The following CASQ2 variants were observed in gnomAD, a reference collection of about 807,000 sequenced individuals.
CASQ2 encodes calsequestrin 2.
Under a neutral mutation model 46.5 loss-of-function variants are expected in CASQ2, and 49 were observed. That is an observed-to-expected ratio of 1.05 (90% CI 0.84 to 1.34). CASQ2 has a LOEUF of 1.34. Among genes scored for constraint, CASQ2 ranks in the 40% most tolerant of loss-of-function variants. The pLI is 0.00. For synonymous variants in CASQ2, 174 were observed against 168.5 expected (o/e 1.03, Z -0.25); for missense variants, 486 against 481.3 (o/e 1.01, Z -0.09).
chr1:115,710,705 C>A (rs1336981438), intron 8 of CASQ2, among the ~76,000 whole-genome samples: 2 of 152,126 alleles, frequency 1.3e-5, no homozygotes, highest in Non-Finnish European at 2.9e-5. Context: ...TCAGGGATGG[C>A]TCTGAGTGGG....
At position 115,725,508 on chromosome 1, in the gene CASQ2, C is replaced by T. The variant is rs776874142; in HGVS notation, c.783G>A (p.Trp261Ter). 5 of 1,609,792 alleles carry T rather than the reference C, an allele frequency of 3.1e-6. No homozygotes were observed. The highest frequency in any genetic ancestry group is 1.4e-5 in the African/African-American group (1 of 73,616). Residue 261 changes from tryptophan (W) to a stop codon, truncating the protein, a stop_gained and splice_region_variant, in exon 7 of 11, where the codon TGG (tryptophan) becomes TGA (stop). Coordinates refer to ENST00000261448, the MANE Select transcript of CASQ2 (RefSeq NM_001232.4). LOFTEE classifies it high-confidence loss of function. ...RLRPEEMFET[W>*]EDDLNGIHIV... is the part of the protein sequence containing the mutation. ...CAAAGAGAGTTTGCCTCTTTCTTACCCATGTTTCAAACATTTCTTCTGGGC... is the reference window on the plus strand; with the variant it reads ...CAAAGAGAGTTTGCCTCTTTCTTACTCATGTTTCAAACATTTCTTCTGGGC...
rs574539184 is a variant in CASQ2 at position 115,700,815 on chromosome 1, G to A, written c.*426C>T. 1 of 513,738 alleles carries A rather than the reference G, an allele frequency of 1.9e-6. No homozygotes were observed. Among genetic ancestry groups the A allele is most frequent in the South Asian group, 3.9e-5 (1 of 25,610 alleles). 31.8% of individuals were successfully genotyped at this position (513,738 alleles called of 1,614,324 possible). ...TGGAGGGAGCTAAATCATTAATCAT[G>A]TGTCTTCCCTGGGCTCTGATTAAAA... On this transcript the variant is annotated 3_prime_UTR_variant, in exon 11 of 11. Coordinates refer to ENST00000261448, the MANE Select transcript of CASQ2 (RefSeq NM_001232.4).
intron 1 of CASQ2, among the ~76,000 whole-genome samples, chr1:115,749,528 C>T (rs916008081): frequency 1.3e-5 from 2 of 152,188 alleles, no homozygotes; most frequent in African/African-American, 4.8e-5. Flanking sequence ...ACTTTCCCAC[C>T]TCCTCTTTGG....
chr1:115,763,959 G>A (rs9428226), intron 1 of CASQ2, among the ~76,000 whole-genome samples: 79,115 of 151,866 alleles, frequency 0.52, 21,557 homozygotes, highest in South Asian at 0.61. Context: ...TAATGCTAAT[G>A]GAAGTTGGCC....
chr1:115,743,197 G>GTTTGTTTA lies in CASQ2; in HGVS notation c.319+1630_319+1631insTAAACAAA, dbSNP rs1423545414. 8.5e-4 allele frequency among the ~76,000 whole-genome samples: 31 copies of GTTTGTTTA among 36,456 alleles called. No homozygotes were observed. In the South Asian group the frequency reaches 0.013, roughly 16 times the overall value. The allele number at this position is 36,456 out of a possible 152,430, so 23.9% of individuals were successfully genotyped here. On this transcript the variant is annotated intron_variant, in intron 2 of 10. Transcript: ENST00000261448. Reference sequence around the variant, plus strand: ...GACATCCCAAGCATTCTTTATTTTTGTTTATTTATTTATTTATTTATTTAT... The same window carrying GTTTGTTTA: ...GACATCCCAAGCATTCTTTATTTTTGTTTGTTTATTTATTTATTTATTTATTTATTTAT...
intron 9 of CASQ2, among the ~76,000 whole-genome samples, chr1:115,704,598 A>C (rs1557784754): frequency 1.3e-5 from 2 of 152,192 alleles, no homozygotes; most frequent in Admixed American, 1.3e-4. Flanking sequence ...GTAGTGTACA[A>C]ATGCTGTTTA....
At chr1:115,704,875 T>C (rs1325176270) in intron 9 of CASQ2, among the ~76,000 whole-genome samples, 1 of 152,184 alleles carries the variant, frequency 6.6e-6, no homozygotes, top group Admixed American at 6.5e-5. Context: ...ATAAAAGTAG[T>C]TCTGGGGACT....
intron 7 of CASQ2, among the ~76,000 whole-genome samples, chr1:115,724,468 AATT>A (rs1647500071): frequency 6.6e-6 from 1 of 152,212 alleles, no homozygotes. Flanking sequence ...ATGCCCGACT[AATT>A]AATAATACTT....
intron 1 of CASQ2, among the ~76,000 whole-genome samples, chr1:115,758,864 G>A (rs574301288): frequency 6.6e-6 from 1 of 152,308 alleles, no homozygotes; most frequent in Non-Finnish European, 1.5e-5. Flanking sequence ...AGAATTGTGA[G>A]CCAAATAAAC....
intron 1 of CASQ2, among the ~76,000 whole-genome samples, chr1:115,753,447 T>A (rs563889460): frequency 6.6e-6 from 1 of 152,294 alleles, no homozygotes; most frequent in East Asian, 1.9e-4. Context: ...ATGAGGCCTC[T>A]CATCTCAGGA....
chr1:115,731,762 T>G (rs1570823158), intron 5 of CASQ2, among the ~76,000 whole-genome samples: 2 of 152,330 alleles, frequency 1.3e-5, no homozygotes, highest in Admixed American at 1.3e-4. Context: ...AGTTTCATCC[T>G]CTGTAGAATG....
intron 3 of CASQ2, among the ~76,000 whole-genome samples, chr1:115,739,305 T>C (rs143747362): frequency 1.5e-3 from 233 of 151,228 alleles, no homozygotes; most frequent in African/African-American, 3.5e-3. Flanking sequence ...TTAGTAGAGA[T>C]GGGGTTTCAC....
intron 8 of CASQ2, among the ~76,000 whole-genome samples, chr1:115,707,200 G>A (rs1362029293): frequency 6.6e-6 from 1 of 152,032 alleles, no homozygotes; most frequent in Non-Finnish European, 1.5e-5. Flanking sequence ...AAATTTTATT[G>A]TTTTATTTTG....
chr1:115,762,237 C>A (rs1212279125), intron 1 of CASQ2, among the ~76,000 whole-genome samples: 1 of 152,184 alleles, frequency 6.6e-6, no homozygotes, highest in Admixed American at 6.5e-5. Context: ...ATGAATGAAC[C>A]AAGCTTTACT....
chr1:115,736,163 C>T (rs1175530870), intron 4 of CASQ2, among the ~76,000 whole-genome samples: 1 of 138,828 alleles, frequency 7.2e-6, no homozygotes, highest in African/African-American at 2.7e-5. Context: ...AACTCCATCC[C>T]GAAAAAAAAA....
At chr1:115,721,494 C>A (rs1647374807) in intron 7 of CASQ2, among the ~76,000 whole-genome samples, 1 of 152,128 alleles carries the variant, frequency 6.6e-6, no homozygotes, top group Non-Finnish European at 1.5e-5. Flanking sequence ...TTAGTCCTAG[C>A]TGGCTTTCCC....
intron 8 of CASQ2, among the ~76,000 whole-genome samples, 194 bp from the exon 9 acceptor site, chr1:115,705,486 A>T (rs964516610): frequency 1.3e-4 from 20 of 152,240 alleles, no homozygotes; most frequent in Non-Finnish European, 2.5e-4. Flanking sequence ...ACAATAAAAA[A>T]TTTGAACAAA....
chr1:115,709,474 A>G (rs1207692864), intron 8 of CASQ2, among the ~76,000 whole-genome samples: 1 of 152,200 alleles, frequency 6.6e-6, no homozygotes, highest in Non-Finnish European at 1.5e-5. Flanking sequence ...AATATAGCCT[A>G]TACTTCAAAA....
chr1:115,768,255 T>C, intron 1 of CASQ2, 53 bp downstream of exon 1: 2 of 1,168,596 alleles, frequency 1.7e-6, no homozygotes, highest in Non-Finnish European at 2.6e-6. Context: ...CCAAAGGCAT[T>C]CCCTCGGCAC....
Sources: allele counts gnomAD v4.1 joint callset (sites outside exome capture counted in the v4.1 genomes callset), GRCh38; gene constraint gnomAD v4.1.1; transcripts MANE v1.5; gene names NCBI Gene and HGNC (gene_info 2026-07-23, HGNC 2026-07-21).